LMNB1: variants seen among roughly 807,000 people sequenced by gnomAD.
The protein encoded by LMNB1 is lamin-B1.
Under a neutral mutation model 67.1 loss-of-function variants are expected in LMNB1, and 23 were observed. The observed-to-expected ratio is 0.34, with a 90% CI of 0.25 to 0.49. The LOEUF (loss-of-function observed/expected upper bound fraction) is 0.49, where lower values mean the gene tolerates loss of function less well. LMNB1 is among the 20% of genes least tolerant of loss of function. The pLI, the probability that LMNB1 is intolerant of heterozygous loss-of-function variation, is 0.99. For missense variants in LMNB1, 634 were observed against 746.5 expected, an observed-to-expected ratio of 0.85 and a Z score of 1.76; for synonymous variants, 281 against 282.9, an observed-to-expected ratio of 0.99 and a Z score of 0.07.
intron 1 of LMNB1, among the ~76,000 whole-genome samples, chr5:126,793,003 C>G (rs1751002497): frequency 6.6e-6 from 1 of 152,124 alleles, no homozygotes; most frequent in Non-Finnish European, 1.5e-5. Context: ...TCTTTGGGAG[C>G]TTTTATGTGT....
Position 126,836,256 on chromosome 5 carries a change from A to G in LMNB1, c.1753A>G (p.Ile585Val), listed in dbSNP as rs1752245446. Residue 585 changes from isoleucine to valine, a missense_variant, in exon 11 of 11, where the codon ATT (isoleucine) becomes GTT (valine). Ile to Val is a conservative substitution (Grantham distance 29). Transcript: ENST00000261366. The part of the protein sequence containing the change: ...TPRASNRSCA[I>V]M ...AAGAGCATCCAATAGAAGCTGTGCA[A>G]TTATGTAAAATTTTCAACTGTCTTC... 2 of 1,609,800 alleles carry G rather than the reference A, an allele frequency of 1.2e-6. No individual in the cohort carries two copies. The highest frequency in any genetic ancestry group is 1.7e-5 in the Admixed American group (1 of 59,982).
At chr5:126,821,163 G>A (rs1383697127) in intron 7 of LMNB1, 28 bp downstream of exon 7, 1 of 1,478,288 alleles carries the variant, frequency 6.8e-7, no homozygotes, top group Non-Finnish European at 9.5e-7. Flanking sequence ...TTTTTTTCTA[G>A]CAAGGCTTTG....
intron 8 of LMNB1, among the ~76,000 whole-genome samples, chr5:126,825,422 T>G (rs1467223585): frequency 2.0e-5 from 3 of 152,228 alleles, no homozygotes; most frequent in Non-Finnish European, 4.4e-5. Flanking sequence ...ATTGTCTGTT[T>G]GGAGACGTAC....
chr5:126,792,061 G>C (rs1430864666), intron 1 of LMNB1, among the ~76,000 whole-genome samples: 1 of 151,878 alleles, frequency 6.6e-6, no homozygotes, highest in Non-Finnish European at 1.5e-5. Context: ...GGGTTTACAG[G>C]TGTGAGCCAC....
chr5:126,815,592 G>C (rs1446519868), intron 5 of LMNB1, among the ~76,000 whole-genome samples: 2 of 152,140 alleles, frequency 1.3e-5, no homozygotes, highest in African/African-American at 4.8e-5. Flanking sequence ...AAGATCATCA[G>C]AAGTCATAAA....
At chr5:126,817,740 T>G (rs1188109702) in intron 5 of LMNB1, among the ~76,000 whole-genome samples, 2 of 152,186 alleles carry the variant, frequency 1.3e-5, no homozygotes, top group Non-Finnish European at 2.9e-5. Context: ...AGAGTACAGT[T>G]TTTATGTATT....
At chr5:126,823,413 T>C (rs1388439073) in intron 8 of LMNB1, among the ~76,000 whole-genome samples, 1 of 152,204 alleles carries the variant, frequency 6.6e-6, no homozygotes, top group Non-Finnish European at 1.5e-5. Context: ...TCTCTATTGG[T>C]ATGTTCTGAA....
intron 1 of LMNB1, among the ~76,000 whole-genome samples, chr5:126,785,015 G>A (rs1038597831): frequency 4.1e-5 from 6 of 147,864 alleles, no homozygotes; most frequent in Non-Finnish European, 7.4e-5. Context: ...GAGTCTTGCT[G>A]TGTCACCAGG....
intron 1 of LMNB1, among the ~76,000 whole-genome samples, chr5:126,782,641 C>T (rs757092364): frequency 3.3e-5 from 5 of 152,070 alleles, no homozygotes; most frequent in African/African-American, 4.8e-5. Flanking sequence ...CCTCTGCCTC[C>T]TGGGTTCAAG....
At chr5:126,781,726 A>G (rs776139737) in intron 1 of LMNB1, among the ~76,000 whole-genome samples, 3 of 152,180 alleles carry the variant, frequency 2.0e-5, no homozygotes, top group African/African-American at 4.8e-5. Flanking sequence ...GTGAGCCACC[A>G]TGCCTGGCCT....
At chr5:126,814,686 G>A (rs762239490) in intron 5 of LMNB1, among the ~76,000 whole-genome samples, 9 of 152,126 alleles carry the variant, frequency 5.9e-5, no homozygotes, top group African/African-American at 1.4e-4. Flanking sequence ...TTACAGGCAC[G>A]CGCTACCACG....
At chr5:126,817,513 T>G (rs1751741979) in intron 5 of LMNB1, among the ~76,000 whole-genome samples, 1 of 152,212 alleles carries the variant, frequency 6.6e-6, no homozygotes, top group Non-Finnish European at 1.5e-5. Context: ...ATCATTTGTG[T>G]TAAGATAAAC....
At chr5:126,787,807 T>C (rs1750848145) in intron 1 of LMNB1, among the ~76,000 whole-genome samples, 1 of 151,816 alleles carries the variant, frequency 6.6e-6, no homozygotes, top group South Asian at 2.1e-4. Flanking sequence ...CACCTCGGCC[T>C]CCCAAAGTGC....
chr5:126,791,391 A>T (rs1750952916), intron 1 of LMNB1, among the ~76,000 whole-genome samples: 1 of 152,028 alleles, frequency 6.6e-6, no homozygotes, highest in African/African-American at 2.4e-5. Flanking sequence ...TTTCTCTACT[A>T]AGAGATGTTC....
intron 1 of LMNB1, among the ~76,000 whole-genome samples, chr5:126,798,787 G>A (rs533324727): frequency 5.9e-5 from 9 of 151,772 alleles, no homozygotes; most frequent in Admixed American, 5.9e-4. Flanking sequence ...GTGTGTGTGC[G>A]TGTGCTTGTA....
chr5:126,816,898 C>G (rs1348870584), intron 5 of LMNB1, among the ~76,000 whole-genome samples: 2 of 152,196 alleles, frequency 1.3e-5, no homozygotes, highest in Admixed American at 1.3e-4. Context: ...GGTTTCTCCA[C>G]TGTCAACAGC....
chr5:126,783,161 C>T (rs1750672763), intron 1 of LMNB1, among the ~76,000 whole-genome samples: 1 of 151,948 alleles, frequency 6.6e-6, no homozygotes, highest in Non-Finnish European at 1.5e-5. Context: ...GATCGTACCA[C>T]TGCACTCCAG....
At chr5:126,809,708 G>T (rs1389178578) in intron 3 of LMNB1, among the ~76,000 whole-genome samples, 1 of 151,248 alleles carries the variant, frequency 6.6e-6, no homozygotes, top group Non-Finnish European at 1.5e-5. Context: ...GAAAAGAAAA[G>T]AAAATAGTTT....
In LMNB1 at chr5:126,798,122, C is replaced by T. The variant is rs184197109; in HGVS notation, c.360-6654C>T. Among the ~76,000 whole-genome samples the T allele has an allele frequency of 1.6e-3, 246 of 149,454 alleles. 1 individual carries two copies. The highest frequency in any genetic ancestry group is 5.6e-3 in the African/African-American group (229 of 40,596). ...CTGCACTCCAGTCTGGGCAACAGAGCGAGACCGTCTCAAAACAAACAAACA... is the reference window on the plus strand; with the variant it reads ...CTGCACTCCAGTCTGGGCAACAGAGTGAGACCGTCTCAAAACAAACAAACA... On this transcript the variant is annotated intron_variant, in intron 1 of 10. Coordinates refer to ENST00000261366, the MANE Select transcript of LMNB1 (RefSeq NM_005573.4).
Sources: allele counts gnomAD v4.1 joint callset (sites outside exome capture counted in the v4.1 genomes callset), GRCh38; gene constraint gnomAD v4.1.1; transcripts MANE v1.5; gene names NCBI Gene and HGNC (gene_info 2026-07-23, HGNC 2026-07-21).